Variants in UPF1 observed in about 807,000 individuals in gnomAD.
UPF1 encodes the protein regulator of nonsense transcripts 1.
UPF1 carries 9 observed loss-of-function variants against 129.2 expected under a neutral mutation model. That is an observed-to-expected ratio of 0.07 (90% CI 0.04 to 0.12). The LOEUF is 0.12. UPF1 is among the 10% of genes least tolerant of loss of function. The probability of loss-of-function intolerance (pLI) is 1.00; values close to 1 mark genes in which losing one functional copy is unlikely to be tolerated. For synonymous variants in UPF1, 649 were observed against 644.9 expected (o/e 1.01, Z -0.10); for missense variants, 788 against 1,525.3 (o/e 0.52, Z 8.05).
chr19:18,854,989 T>C lies in UPF1; in HGVS notation c.1376T>C (p.Leu459Pro). The C allele has an allele frequency of 6.2e-7, 1 of 1,614,172 alleles. No homozygotes were observed. Among genetic ancestry groups the C allele is most frequent in the South Asian group, 1.1e-5 (1 of 91,092 alleles). ...GAGGACGTAATCATCAAGTGCCAGCTGCCCAAGCGCTTCACGGCGCAGGGC... is the reference window on the plus strand; with the variant it reads ...GAGGACGTAATCATCAAGTGCCAGCCGCCCAAGCGCTTCACGGCGCAGGGC... Reference protein sequence around the residue: ...EVEDVIIKCQLPKRFTAQGLP... With the variant: ...EVEDVIIKCQPPKRFTAQGLP... The change falls in exon 10 of 24, where the codon CTG becomes CCG. Residue 459 changes from leucine to proline, a missense_variant. This residue lies in a region of UPF1 where 227 missense variants were observed against 517.9 expected (regional missense o/e 0.44). Coordinates refer to ENST00000262803, the MANE Select transcript of UPF1 (RefSeq NM_002911.4).
rs2055851507 is a variant in UPF1, at chr19:18,866,824, A to G, written c.*307A>G. 2 of 152,726 alleles carry G rather than the reference A, an allele frequency of 1.3e-5. No individual in the cohort carries two copies. Among genetic ancestry groups the G allele is most frequent in the South Asian group, 4.1e-4 (2 of 4,832 alleles). 9.5% of individuals were successfully genotyped at this position (152,726 alleles called of 1,614,324 possible). A position where few individuals can be genotyped will look rare whatever the true frequency, so the allele number is the denominator to read the frequency against. On this transcript the variant is annotated 3_prime_UTR_variant, in exon 24 of 24. Coordinates refer to ENST00000262803, the MANE Select transcript of UPF1 (RefSeq NM_002911.4). The stretch of plus-strand genomic sequence containing the variant: ...GCGGAGGGAGGAAGACCCTCATCTC[A>G]GAGTAGCCCTTTCCTCTGTTCTTTT...
intron 1 of UPF1, among the ~76,000 whole-genome samples, chr19:18,838,420 A>T (rs73526909): frequency 0.1 from 15,815 of 152,288 alleles, 904 homozygotes; most frequent in East Asian, 0.24. Context: ...AGGCAGAGGC[A>T]GGTGAATCAC....
At position 18,860,816 on chromosome 19, in the gene UPF1, G is replaced by C. The variant is rs746567826; in HGVS notation, c.2301-10G>C. 1 of 1,611,978 alleles carries C rather than the reference G, an allele frequency of 6.2e-7. No individual in the cohort carries two copies. Among genetic ancestry groups the C allele is most frequent in the Admixed American group, 1.7e-5 (1 of 59,906 alleles). On this transcript the variant is annotated splice_polypyrimidine_tract_variant and intron_variant, in intron 16 of 23. Coordinates refer to ENST00000262803, the MANE Select transcript of UPF1 (RefSeq NM_002911.4). ...GGTGGAGCCCAGCACTGACAGCCTG[G>C]GTTTCTTAGGACCGAGGCTGCGAAC...
At chr19:18,848,120 AC>A (rs2055619652) in intron 3 of UPF1, 2 of 365,852 alleles carry the variant, frequency 5.5e-6, no homozygotes. Flanking sequence ...CTCTTGGCAC[AC>A]CCGCTGATCT....
Position 18,832,400 on chromosome 19 carries a change from G to A in UPF1, c.191G>A (p.Gly64Asp), listed in dbSNP as rs1342113393. The change falls in exon 1 of 24, where the codon GGC (glycine) becomes GAC (aspartate). Residue 64 changes from glycine to aspartate, a missense_variant. Physicochemically the swap from Gly to Asp is moderately conservative, Grantham distance 94. Coordinates refer to ENST00000262803, the MANE Select transcript of UPF1 (RefSeq NM_002911.4). The surrounding 1 kb of genome is among the most constrained non-coding windows in gnomAD (Gnocchi z 5.6). ...GGTGGCGGCGCGGGAGGCCCGGGCG[G>A]CGCGGGCGCGGGCGCTGCGGCGGGA... ...PGGGGAGGPG[G>D]AGAGAAAGQL... 4 of 1,006,936 alleles carry A rather than the reference G, an allele frequency of 4.0e-6. No individual in the cohort carries two copies. The highest frequency in any genetic ancestry group is 4.7e-6 in the Non-Finnish European group (4 of 845,078). 62.4% of individuals were successfully genotyped at this position (1,006,936 alleles called of 1,614,324 possible). A position where few individuals can be genotyped will look rare whatever the true frequency, so the allele number is the denominator to read the frequency against.
chr19:18,866,359 C>T (rs968625319), intron 23 of UPF1, among the ~76,000 whole-genome samples, 162 bp from the exon 24 acceptor site: 1 of 152,182 alleles, frequency 6.6e-6, no homozygotes, highest in South Asian at 2.1e-4. Context: ...TCACCCCACC[C>T]TACCCCATCC....
chr19:18,860,310 T>G lies in UPF1; in HGVS notation c.2183-11T>G. The G allele has an allele frequency of 6.2e-7, 1 of 1,611,982 alleles. No individual in the cohort carries two copies. The highest frequency in any genetic ancestry group is 8.5e-7 in the Non-Finnish European group (1 of 1,178,284). ...GCTTTTGAAGTGTTACTTCTTTCCC[T>G]CCCCTCACAGCGGATCGTGTGAAGA... is the stretch of plus-strand genomic sequence containing the variant. On this transcript the variant is annotated splice_polypyrimidine_tract_variant and intron_variant, in intron 15 of 23. Coordinates refer to ENST00000262803, the MANE Select transcript of UPF1 (RefSeq NM_002911.4).
chr19:18,835,664 G>A (rs2055476389), intron 1 of UPF1, among the ~76,000 whole-genome samples: 1 of 152,198 alleles, frequency 6.6e-6, no homozygotes, highest in Non-Finnish European at 1.5e-5. Flanking sequence ...TTTTAAGGCT[G>A]AGTAATATTC....
Position 18,850,040 on chromosome 19 carries a change from T to A in UPF1, c.462-35T>A. On this transcript the variant is annotated intron_variant, in intron 3 of 23. Transcript: ENST00000262803. This position sits in a 1 kb window ranked among gnomAD's most constrained non-coding sequence, Gnocchi z 7.1. ...ATTGGAAGTGGTGAAAAGCCAAATTTTGGGTGTTAACCGTTTATCATTTCC... is the reference window on the plus strand; with the variant it reads ...ATTGGAAGTGGTGAAAAGCCAAATTATGGGTGTTAACCGTTTATCATTTCC... 1 of 1,613,214 alleles carries A rather than the reference T, an allele frequency of 6.2e-7. No homozygotes were observed. Among genetic ancestry groups the A allele is most frequent in the South Asian group, 1.1e-5 (1 of 91,016 alleles).
At position 18,850,832 on chromosome 19, in the gene UPF1, G is replaced by C; in HGVS notation, c.774G>C (p.Thr258=). Residue 258 remains threonine, a synonymous_variant, in exon 5 of 24, where the codon ACG becomes ACC. Transcript: ENST00000262803. The surrounding 1 kb of genome is among the most constrained non-coding windows in gnomAD (Gnocchi z 7.1). The part of the protein sequence containing the change: ...EQEQLRARQI[T]AQQINKLEEL... ...AGCAGCTGCGGGCACGCCAGATCAC[G>C]GCACAGCAGATCAACAAGCTGGAGG... 6.2e-7 allele frequency: 1 copy of C among 1,603,896 alleles called. No individual in the cohort carries two copies. Among genetic ancestry groups the C allele is most frequent in the Non-Finnish European group, 8.5e-7 (1 of 1,174,644 alleles).
Position 18,854,621 on chromosome 19 carries a change from A to C in UPF1, c.1177A>C (p.Ile393Leu), listed in dbSNP as rs766440910. 6.2e-7 allele frequency: 1 copy of C among 1,613,662 alleles called. No homozygotes were observed. Among genetic ancestry groups the C allele is most frequent in the South Asian group, 1.1e-5 (1 of 91,036 alleles). The change falls in exon 9 of 24, where the codon ATT becomes CTT. Residue 393 changes from isoleucine (I) to leucine (L), a missense_variant. Ile to Leu is a conservative substitution (Grantham distance 5, BLOSUM62 2). Around this residue, in one of 6 missense-constraint regions of UPF1, gnomAD observed 227 missense variants for 517.9 expected, o/e 0.44. Transcript: ENST00000262803. ...CACAGATTATGGCGATGAGATCGCC[A>C]TTGAGCTGCGGAGCAGCGTGGGTGC... is the stretch of plus-strand genomic sequence containing the variant. ...VPDNYGDEIA[I>L]ELRSSVGAPV...
At chr19:18,863,648 G>T (rs1156287756) in intron 19 of UPF1, 36 bp downstream of exon 19, 1 of 1,579,346 alleles carries the variant, frequency 6.3e-7, no homozygotes, top group Non-Finnish European at 8.6e-7. Flanking sequence ...GCAGCACGGA[G>T]AAACCCGGGC....
chr19:18,845,847 A>C, intron 1 of UPF1, 133 bp from the exon 2 acceptor site: 2 of 1,347,552 alleles, frequency 1.5e-6, no homozygotes, highest in Non-Finnish European at 2.0e-6. Flanking sequence ...AGTGAAATCC[A>C]GTCAGAACAA....
chr19:18,845,799 A>C (rs1313542265), intron 1 of UPF1, among the ~76,000 whole-genome samples, 181 bp from the exon 2 acceptor site: 1 of 152,178 alleles, frequency 6.6e-6, no homozygotes, highest in Non-Finnish European at 1.5e-5. Context: ...GAAGGCCACC[A>C]GTGGCCCTTT....
chr19:18,854,946 C>T lies in UPF1; in HGVS notation c.1333C>T (p.Leu445=). The T allele has an allele frequency of 1.2e-6, 2 of 1,614,248 alleles. No homozygotes were observed. Among genetic ancestry groups the T allele is most frequent in the South Asian group, 2.2e-5 (2 of 91,088 alleles). ...GGTGTCTGGCTACATCTACCACAAG[C>T]TGTTGGGCCACGAGGTGGAGGACGT... The part of the protein sequence containing the change: ...TSVSGYIYHK[L]LGHEVEDVII... Residue 445 remains leucine, a synonymous_variant, in exon 10 of 24, where the codon CTG becomes TTG. Transcript: ENST00000262803.
intron 1 of UPF1, among the ~76,000 whole-genome samples, chr19:18,842,770 TG>T: frequency 6.6e-6 from 1 of 151,746 alleles, no homozygotes; most frequent in East Asian, 2.0e-4. Flanking sequence ...GAGGCCAAGG[TG>T]GGTGGATCAC....
chr19:18,847,866 C>T (rs758610458), intron 3 of UPF1, 33 bp downstream of exon 3: 7 of 1,590,162 alleles, frequency 4.4e-6, no homozygotes, highest in Non-Finnish European at 6.0e-6. Context: ...TGTGTTTAAT[C>T]AGTGCTGTGC....
chr19:18,860,135 T>TTA, intron 15 of UPF1, 186 bp from the exon 16 acceptor site: 1 of 635,808 alleles, frequency 1.6e-6, no homozygotes, highest in South Asian at 1.9e-5. Flanking sequence ...CTCCTCAGCC[T>TTA]TGCCCAATCC....
At chr19:18,863,990 G>A (rs558163791) in intron 19 of UPF1, among the ~76,000 whole-genome samples, 180 bp from the exon 20 acceptor site, 9 of 152,258 alleles carry the variant, frequency 5.9e-5, no homozygotes, top group African/African-American at 2.2e-4. Context: ...GTCTGCCGAG[G>A]AGGGCAGGCG....
Sources: gnomAD v4.1 joint callset for allele counts (sites outside exome capture counted in the v4.1 genomes callset) on GRCh38, gnomAD v4.1.1 for gene constraint, gnomAD v4.1.1 regional missense constraint, Gnocchi (gnomAD v3.1) non-coding constraint, MANE v1.5 for transcripts, NCBI Gene and HGNC (gene_info 2026-07-23, HGNC 2026-07-21) for gene names.